The following RNF19B variants were observed in gnomAD, a reference collection of about 807,000 sequenced individuals.
RNF19B encodes the protein ring finger protein 19B.
A neutral mutation model predicts 65.5 loss-of-function variants in RNF19B; 23 were observed. The ratio of observed to expected loss-of-function variants is 0.35; its 90% CI spans 0.25 to 0.50. The LOEUF is 0.50. Ranked by LOEUF, RNF19B falls within the 20% of genes least tolerant of loss-of-function variation. RNF19B has a pLI of 0.98. For synonymous variants in RNF19B, 372 were observed against 379.6 expected, an observed-to-expected ratio of 0.98 and a Z score of 0.23; for missense variants, 794 against 980.0, an observed-to-expected ratio of 0.81 and a Z score of 2.53.
At chr1:32,935,029 A>G (rs927424693), downstream of RNF19B, among the ~76,000 whole-genome samples, 26 of 151,292 alleles carry the variant, frequency 1.7e-4, no homozygotes, top group African/African-American at 6.3e-4. Context: ...ACGGGGTTTC[A>G]CCATGTTGGC....
chr1:32,931,088 C>CAA, the RNF19B span, among the ~76,000 whole-genome samples: 100 of 144,528 alleles, frequency 6.9e-4, no homozygotes, highest in Middle Eastern at 3.6e-3. Context: ...ACTCTGTCTC[C>CAA]AAAAAAAAAA....
intron 1 of RNF19B, among the ~76,000 whole-genome samples, chr1:32,961,291 ACACTTAATGAAATGCACCCAAGCAG>A (rs1233705251): frequency 2.0e-5 from 3 of 152,334 alleles, no homozygotes; most frequent in African/African-American, 7.2e-5. Flanking sequence ...TCCTCAGGCT[ACACTTAATGAAATGCACCCAAGCAG>A]CAGCATCCTC....
chr1:32,959,310 G>C, intron 1 of RNF19B, among the ~76,000 whole-genome samples: 1 of 152,176 alleles, frequency 6.6e-6, no homozygotes, highest in East Asian at 1.9e-4. Flanking sequence ...CTGTACAGAA[G>C]ATCTGCCCCT....
At chr1:32,942,532 G>C (rs903376777) in intron 6 of RNF19B, 73 bp from the exon 7 acceptor site, 2 of 1,291,498 alleles carry the variant, frequency 1.5e-6, no homozygotes, top group Non-Finnish European at 2.2e-6. Flanking sequence ...TTCCTGCAAT[G>C]ACTTTTCAGA....
intron 1 of RNF19B, among the ~76,000 whole-genome samples, chr1:32,961,990 T>C (rs1642780997): frequency 6.6e-6 from 1 of 152,040 alleles, no homozygotes; most frequent in Non-Finnish European, 1.5e-5. Context: ...TTTTTTTTCT[T>C]GAGACAGAAT....
At chr1:32,947,708 TA>T (rs1338822727) in intron 3 of RNF19B, among the ~76,000 whole-genome samples, 2 of 150,940 alleles carry the variant, frequency 1.3e-5, no homozygotes, top group African/African-American at 4.9e-5. Context: ...GGGAACTCAC[TA>T]AATGCAAAAA....
downstream of RNF19B, among the ~76,000 whole-genome samples, chr1:32,934,904 C>T (rs940011777): frequency 2.0e-4 from 30 of 152,116 alleles, no homozygotes; most frequent in African/African-American, 6.7e-4. Flanking sequence ...GCGATCTCGG[C>T]TCACTGCAAC....
intron 1 of RNF19B, among the ~76,000 whole-genome samples, chr1:32,963,561 CA>C (rs1185053927): frequency 6.6e-6 from 1 of 151,804 alleles, no homozygotes; most frequent in Non-Finnish European, 1.5e-5. Flanking sequence ...ACTAAAAATA[CA>C]AAGAAATTAG....
chr1:32,938,601 T>C (rs1642163496), intron 7 of RNF19B, 73 bp from the exon 8 acceptor site: 4 of 1,470,344 alleles, frequency 2.7e-6, no homozygotes, highest in Non-Finnish European at 2.8e-6. Context: ...CTGGCACACA[T>C]CTCTTCCATT....
At chr1:32,942,199 T>C in intron 7 of RNF19B, 53 bp downstream of exon 7, 2 of 1,427,490 alleles carry the variant, frequency 1.4e-6, no homozygotes, top group Non-Finnish European at 2.0e-6. Context: ...TGGCTCAATG[T>C]GTTACTTCTT....
chr1:32,940,372 T>C (rs532934818), intron 7 of RNF19B, among the ~76,000 whole-genome samples: 14 of 152,278 alleles, frequency 9.2e-5, no homozygotes, highest in East Asian at 5.8e-4. Context: ...TCCCAAGTGA[T>C]TGACAGGCAC....
rs1190697140 is a variant in RNF19B, at chr1:32,964,002, G to A, written c.635+49C>T. 7.2e-7 allele frequency: 1 copy of A among 1,390,210 alleles called. No homozygotes were observed. The highest frequency in any genetic ancestry group is 3.8e-5 in the Admixed American group (1 of 26,208). 86.1% of individuals were successfully genotyped at this position (1,390,210 alleles called of 1,614,324 possible). A position where few individuals can be genotyped will look rare whatever the true frequency, so the allele number is the denominator to read the frequency against. ...CGGGGTCCCTGCTGCCCCCAGCCAC[G>A]CCCCTCGGCTGCAGCCCGCCGCCAC... On this transcript the variant is annotated intron_variant, in intron 1 of 8. Coordinates refer to ENST00000235150, the MANE Select transcript of RNF19B (RefSeq NM_001300826.2). This position sits in a 1 kb window ranked among gnomAD's most constrained non-coding sequence, Gnocchi z 6.5.
the RNF19B span, among the ~76,000 whole-genome samples, chr1:32,929,199 T>A: frequency 6.6e-6 from 1 of 152,218 alleles, no homozygotes; most frequent in Non-Finnish European, 1.5e-5. Flanking sequence ...TGGCCTCTGC[T>A]GCATCACCCC....
rs987775150 is a variant in RNF19B at position 32,937,258 on chromosome 1, C to G, written c.1744G>C (p.Glu582Gln). The G allele has an allele frequency of 6.2e-7, 1 of 1,613,764 alleles. No homozygotes were observed. The highest frequency in any genetic ancestry group is 8.5e-7 in the Non-Finnish European group (1 of 1,180,018). ...ACTTGGATTTCCATATTGTTGCATT[C>G]TCTGTGGAGACAAAATCCACTTTGC... ...IISSYNPQDRECNNMEIQVDI... is the reference protein window; with the variant it reads ...IISSYNPQDRQCNNMEIQVDI... The change falls in exon 9 of 9, where the codon GAA becomes CAA. Residue 582 changes from glutamate to glutamine, a missense_variant and splice_region_variant. By Grantham distance (29) the Glu-to-Gln change is conservative (BLOSUM62 2). Coordinates refer to ENST00000235150, the MANE Select transcript of RNF19B (RefSeq NM_001300826.2).
intron 1 of RNF19B, among the ~76,000 whole-genome samples, chr1:32,952,210 T>C (rs1188996965): frequency 6.6e-6 from 1 of 151,952 alleles, no homozygotes; most frequent in Non-Finnish European, 1.5e-5. Context: ...CAATCCAATA[T>C]ATTTATATAA....
intron 1 of RNF19B, among the ~76,000 whole-genome samples, chr1:32,957,762 A>T (rs1642674293): frequency 6.6e-6 from 1 of 152,228 alleles, no homozygotes; most frequent in Non-Finnish European, 1.5e-5. Flanking sequence ...TGAACCCGAG[A>T]GGCAGAGGTT....
chr1:32,961,289 C>G (rs1642763914), intron 1 of RNF19B, among the ~76,000 whole-genome samples: 1 of 152,156 alleles, frequency 6.6e-6, no homozygotes. Flanking sequence ...TGTCCTCAGG[C>G]TACACTTAAT....
At chr1:32,963,894 ACAC>A (rs1642833585) in intron 1 of RNF19B, among the ~76,000 whole-genome samples, 154 bp downstream of exon 1, 1 of 152,104 alleles carries the variant, frequency 6.6e-6, no homozygotes, top group Non-Finnish European at 1.5e-5. Flanking sequence ...GGGTGCGTTC[ACAC>A]CACTAGTCTG....
At chr1:32,963,011 C>T (rs531110608) in intron 1 of RNF19B, among the ~76,000 whole-genome samples, 3 of 152,194 alleles carry the variant, frequency 2.0e-5, no homozygotes, top group Non-Finnish European at 4.4e-5. Context: ...ATTCAGCCTA[C>T]ATGGTGCATT....
Sources: gnomAD v4.1 joint callset for allele counts (sites outside exome capture counted in the v4.1 genomes callset) on GRCh38, gnomAD v4.1.1 for gene constraint, Gnocchi (gnomAD v3.1) non-coding constraint, MANE v1.5 for transcripts, NCBI Gene and HGNC (gene_info 2026-07-23, HGNC 2026-07-21) for gene names.